The following AASS variants were observed in gnomAD, a reference collection of about 807,000 sequenced individuals.
AASS encodes aminoadipate-semialdehyde synthase.
Under a neutral mutation model 105.4 loss-of-function variants are expected in AASS, and 86 were observed. The ratio of observed to expected loss-of-function variants is 0.82; its 90% CI spans 0.69 to 0.98. The LOEUF is 0.98. Among genes scored for constraint, AASS ranks in the 50% least tolerant of loss-of-function variants. AASS has a pLI of 0.00. For missense variants in AASS, 1,048 were observed against 1,143.2 expected (o/e 0.92, Z 1.20); for synonymous variants, 381 against 394.8 (o/e 0.96, Z 0.41).
chr7:122,087,195 C>G (rs537889533), intron 18 of AASS, among the ~76,000 whole-genome samples: 2 of 152,136 alleles, frequency 1.3e-5, no homozygotes, highest in African/African-American at 4.8e-5. Flanking sequence ...CCTGAAGAGG[C>G]CTTTGGCTAA....
At chr7:122,116,555 C>A (rs1052523539) in intron 8 of AASS, 78 bp downstream of exon 8, 11 of 1,579,308 alleles carry the variant, frequency 7.0e-6, no homozygotes, top group Admixed American at 1.7e-5. Context: ...TTGTACAATT[C>A]ATAATTTCTC....
Position 122,101,439 on chromosome 7 carries a change from C to T in AASS, c.1339-1G>A. ...ATGTACCGTTGGATGTAATCACTGC[C>T]TAAATGTATATGACACAAGACATTT... On this transcript the variant is annotated splice_acceptor_variant, in intron 12 of 23. Transcript: ENST00000417368. LOFTEE classifies it high-confidence loss of function. 1 of 1,607,766 alleles carries T rather than the reference C, an allele frequency of 6.2e-7. No homozygotes were observed. The highest frequency in any genetic ancestry group is 8.5e-7 in the Non-Finnish European group (1 of 1,174,946).
At chr7:122,127,959 T>A (rs1182661444) in intron 3 of AASS, among the ~76,000 whole-genome samples, 1 of 152,180 alleles carries the variant, frequency 6.6e-6, no homozygotes, top group African/African-American at 2.4e-5. Flanking sequence ...TGGCAGACCC[T>A]AAACTCAACT....
At chr7:122,131,046 A>G (rs535929780) in intron 2 of AASS, among the ~76,000 whole-genome samples, 2 of 151,420 alleles carry the variant, frequency 1.3e-5, no homozygotes, top group East Asian at 1.9e-4. Context: ...AAAAAAAAAA[A>G]AGAAAAAACA....
chr7:122,101,261 T>C (rs1423250121), intron 13 of AASS, 110 bp downstream of exon 13: 1 of 877,384 alleles, frequency 1.1e-6, no homozygotes, highest in Non-Finnish European at 1.8e-6. Flanking sequence ...TCAAAATTTA[T>C]ATAGTGTACA....
In AASS at chr7:122,093,081, T is replaced by C. The variant is rs374593704; in HGVS notation, c.1733A>G (p.Tyr578Cys). The stretch of plus-strand genomic sequence containing the variant: ...CAATTCTTTTAGTGCTGGTGTGATG[T>C]AGCTTGCAGTGACCATGTTAACTTT... ...TNKVNMVTASYITPALKELEK... is the reference protein window; with the variant it reads ...TNKVNMVTASCITPALKELEK... Residue 578 changes from tyrosine (Y) to cysteine (C), a missense_variant, in exon 16 of 24, where the codon TAC becomes TGC. Tyr to Cys is a radical substitution (Grantham distance 194). Coordinates refer to ENST00000417368, the MANE Select transcript of AASS (RefSeq NM_005763.4). 7.4e-6 allele frequency: 12 copies of C among 1,613,890 alleles called. No individual in the cohort carries two copies. The highest frequency in any genetic ancestry group is 1.0e-5 in the Non-Finnish European group (12 of 1,179,902).
rs964709777 is a variant in AASS, at chr7:122,079,256, T to C, written c.2397-306A>G. The stretch of plus-strand genomic sequence containing the variant: ...TAGGTTAGTTCTCCAACATTAGGTA[T>C]ACCAGCAGGATGCCACAGCGGTCAT... On this transcript the variant is annotated intron_variant, in intron 21 of 23. Coordinates refer to ENST00000417368, the MANE Select transcript of AASS (RefSeq NM_005763.4). The C allele has an allele frequency of 8.1e-6, 11 of 1,355,844 alleles. No homozygotes were observed. In the African/African-American group the frequency reaches 1.5e-4, roughly 18 times the overall value. The allele number at this position is 1,355,844 out of a possible 1,614,324, so 84.0% of individuals were successfully genotyped here. A position where few individuals can be genotyped will look rare whatever the true frequency, so the allele number is the denominator to read the frequency against.
intron 1 of AASS, among the ~76,000 whole-genome samples, chr7:122,138,733 A>G (rs182741677): frequency 6.6e-6 from 1 of 152,308 alleles, no homozygotes; most frequent in Admixed American, 6.5e-5. Context: ...CAACAAAAAC[A>G]TGAGAATCAG....
rs1232223447 is a variant in AASS, at chr7:122,076,513, A to G, written c.2757T>C (p.Thr919=). 2 of 1,612,580 alleles carry G rather than the reference A, an allele frequency of 1.2e-6. 1 individual carries two copies. Among genetic ancestry groups the G allele is most frequent in the South Asian group, 2.2e-5 (2 of 91,042 alleles). ...ATTATGGTTTAATTGTACTCTGTGTAGTATATATAATGCCTTCTGCTTTAA... is the reference window on the plus strand; with the variant it reads ...ATTATGGTTTAATTGTACTCTGTGTGGTATATATAATGCCTTCTGCTTTAA... ...ERIKAEGIIY[T]TQSTIKP Residue 919 remains threonine, a synonymous_variant, in exon 24 of 24, where the codon ACT becomes ACC. Transcript: ENST00000417368.
chr7:122,093,851 A>C (rs1334151897), intron 15 of AASS, among the ~76,000 whole-genome samples: 1 of 151,914 alleles, frequency 6.6e-6, no homozygotes, highest in Non-Finnish European at 1.5e-5. Flanking sequence ...AAAAACAAAA[A>C]CCGTGAATTG....
intron 18 of AASS, among the ~76,000 whole-genome samples, chr7:122,089,890 G>A (rs938831977): frequency 1.3e-5 from 2 of 152,172 alleles, no homozygotes; most frequent in Non-Finnish European, 2.9e-5. Flanking sequence ...GCAAGAATTT[G>A]TCCTGCCTTC....
At chr7:122,090,660 C>T (rs1291998436) in intron 18 of AASS, among the ~76,000 whole-genome samples, 1 of 152,114 alleles carries the variant, frequency 6.6e-6, no homozygotes, top group Non-Finnish European at 1.5e-5. Context: ...GAATGAGGTG[C>T]CTACAACACA....
intron 11 of AASS, among the ~76,000 whole-genome samples, chr7:122,112,078 C>T (rs1794968185): frequency 1.3e-5 from 2 of 152,114 alleles, no homozygotes; most frequent in African/African-American, 4.8e-5. Flanking sequence ...TTCTTTAATG[C>T]CTCAGCACCA....
At chr7:122,079,275 C>A in intron 21 of AASS, 2 of 1,344,140 alleles carry the variant, frequency 1.5e-6, no homozygotes, top group Non-Finnish European at 1.9e-6. Flanking sequence ...GATGCCACAG[C>A]GGTCATATGA....
chr7:122,125,569 T>G (rs1272553464), intron 4 of AASS, among the ~76,000 whole-genome samples: 1 of 152,200 alleles, frequency 6.6e-6, no homozygotes, highest in Non-Finnish European at 1.5e-5. Context: ...CGTTCTGTAT[T>G]CGTTCCTATT....
intron 1 of AASS, among the ~76,000 whole-genome samples, chr7:122,143,788 A>G (rs1796508730): frequency 1.3e-5 from 2 of 152,110 alleles, no homozygotes; most frequent in African/African-American, 4.8e-5. Flanking sequence ...CAGCTTCATC[A>G]GTTCTTTATT....
chr7:122,141,398 C>T lies in AASS; in HGVS notation c.-16+2763G>A, dbSNP rs189556293. On this transcript the variant is annotated intron_variant, in intron 1 of 23. Coordinates refer to ENST00000417368, the MANE Select transcript of AASS (RefSeq NM_005763.4). ...ATGGAATACAAAGTTAGTTCTAAATCGGAGTCTAGTCCAAAATGCTTATCT... is the reference window on the plus strand; with the variant it reads ...ATGGAATACAAAGTTAGTTCTAAATTGGAGTCTAGTCCAAAATGCTTATCT... Among the ~76,000 whole-genome samples the T allele has an allele frequency of 4.6e-5, 7 of 152,224 alleles. No homozygotes were observed. In the East Asian group the frequency reaches 7.7e-4, roughly 17 times the overall value.
At chr7:122,078,085 T>C (rs1190641358) in intron 22 of AASS, 71 bp from the exon 23 acceptor site, 4 of 1,446,092 alleles carry the variant, frequency 2.8e-6, no homozygotes, top group Non-Finnish European at 3.9e-6. Context: ...CATCTCCTCC[T>C]GCCCTTCTGG....
At position 122,101,613 on chromosome 7, in the gene AASS, T is replaced by A. The variant is rs1794436242; in HGVS notation, c.1338+8A>T. The stretch of plus-strand genomic sequence containing the variant: ...CATTTATGAAAAAATATTCTGCTCA[T>A]AACTTACATCTCTCACCACAGGAGA... On this transcript the variant is annotated splice_region_variant and intron_variant, in intron 12 of 23. Coordinates refer to ENST00000417368, the MANE Select transcript of AASS (RefSeq NM_005763.4). 1 of 1,608,152 alleles carries A rather than the reference T, an allele frequency of 6.2e-7. No homozygotes were observed. The highest frequency in any genetic ancestry group is 1.3e-5 in the African/African-American group (1 of 74,838).
Sources: gnomAD v4.1 joint callset for allele counts (sites outside exome capture counted in the v4.1 genomes callset) on GRCh38, gnomAD v4.1.1 for gene constraint, MANE v1.5 for transcripts, NCBI Gene and HGNC (gene_info 2026-07-23, HGNC 2026-07-21) for gene names.